The following SFTPB variants were observed in gnomAD, a reference collection of about 807,000 sequenced individuals.
SFTPB encodes the protein surfactant protein B, also known as pulmonary surfactant-associated protein B.
In SFTPB, 32 loss-of-function variants were observed where a neutral mutation model predicts 51.0. That is an observed-to-expected ratio of 0.63 (90% CI 0.47 to 0.84). SFTPB has a LOEUF of 0.84. Among genes scored for constraint, SFTPB ranks in the 40% least tolerant of loss-of-function variants. The pLI is 0.00. For missense variants in SFTPB, 431 were observed against 491.2 expected, an observed-to-expected ratio of 0.88 and a Z score of 1.16; for synonymous variants, 211 against 208.5, an observed-to-expected ratio of 1.01 and a Z score of -0.10.
At position 85,665,707 on chromosome 2, in the gene SFTPB, G is replaced by T; in HGVS notation, c.481C>A (p.Pro161Thr). 1 of 1,614,236 alleles carries T rather than the reference G, an allele frequency of 6.2e-7. No homozygotes were observed. Among genetic ancestry groups the T allele is most frequent in the Admixed American group, 1.7e-5 (1 of 60,036 alleles). ...GGCAGAGGGTCCCGCAGAGGTTTGG[G>T]CAGGGGGTCTGACATCCCTGGCTCC... The part of the protein sequence containing the change: ...EQEPGMSDPL[P>T]KPLRDPLPDP... The change falls in exon 5 of 11, where the codon CCC (proline) becomes ACC (threonine). Residue 161 changes from proline to threonine, a missense_variant. Pro to Thr is a conservative substitution (Grantham distance 38). Coordinates refer to ENST00000519937, the MANE Select transcript of SFTPB (RefSeq NM_000542.5).
rs201660047 is a variant in SFTPB at position 85,657,603 on chromosome 2, C to T, written c.*2099G>A. ...CAAGCTCAGTGTCAAAACACACACC[C>T]TGCCGTAGCTCTCTCCTGGGCTAGG... is the stretch of plus-strand genomic sequence containing the variant. On this transcript the variant is annotated 3_prime_UTR_variant, in exon 11 of 11. Coordinates refer to ENST00000519937, the MANE Select transcript of SFTPB (RefSeq NM_000542.5). 1 of 152,192 alleles carries T rather than the reference C, an allele frequency of 6.6e-6. No homozygotes were observed. Among genetic ancestry groups the T allele is most frequent in the East Asian group, 1.9e-4 (1 of 5,180 alleles). 9.4% of individuals were successfully genotyped at this position (152,192 alleles called of 1,614,324 possible). A position where few individuals can be genotyped will look rare whatever the true frequency, so the allele number is the denominator to read the frequency against.
At position 85,663,842 on chromosome 2, in the gene SFTPB, C is replaced by T. The variant is rs550631097; in HGVS notation, c.678G>A (p.Ala226=). Residue 226 remains alanine (A), a synonymous_variant, in exon 7 of 11, where the codon GCG becomes GCA. Coordinates refer to ENST00000519937, the MANE Select transcript of SFTPB (RefSeq NM_000542.5). The part of the protein sequence containing the change: ...KRIQAMIPKG[A]LAVAVAQVCR... The stretch of plus-strand genomic sequence containing the variant: ...ACACCTGGGCCACTGCCACAGCTAG[C>T]GCACCCTGGGGCGGGGGCGGAGAGA... 89 of 1,584,250 alleles carry T rather than the reference C, an allele frequency of 5.6e-5. 1 individual carries two copies. In the South Asian group the frequency reaches 7.7e-4, roughly 14 times the overall value.
chr2:85,663,926 C>T, intron 6 of SFTPB, 79 bp from the exon 7 acceptor site: 1 of 1,362,366 alleles, frequency 7.3e-7, no homozygotes, highest in Non-Finnish European at 1.0e-6. Context: ...CCCAGCTGGG[C>T]ACTTCCTACG....
At position 85,663,740 on chromosome 2, in the gene SFTPB, C is replaced by T. The variant is rs528288865; in HGVS notation, c.780G>A (p.Thr260=). 1.0e-4 allele frequency: 167 copies of T among 1,611,034 alleles called. 1 individual carries two copies. In the East Asian group the frequency reaches 3.2e-3, roughly 31 times the overall value. ...AERYSVILLD[T]LLGRMLPQLV... The stretch of plus-strand genomic sequence containing the variant: ...GCTGGGGCAGCATGCGGCCCAGCAG[C>T]GTGTCGAGCAGGATGACGGAGTAGC... The change falls in exon 7 of 11, where the codon ACG becomes ACA. Residue 260 remains threonine (T), a synonymous_variant. Coordinates refer to ENST00000519937, the MANE Select transcript of SFTPB (RefSeq NM_000542.5).
intron 6 of SFTPB, among the ~76,000 whole-genome samples, chr2:85,665,086 C>G (rs1677504308): frequency 6.6e-6 from 1 of 152,206 alleles, no homozygotes; most frequent in Admixed American, 6.5e-5. Context: ...GTTGCATGAA[C>G]TGTAGGCCTG....
rs561113178 is a variant in SFTPB at position 85,663,393 on chromosome 2, G to A, written c.955C>T (p.Gln319Ter). The A allele has an allele frequency of 6.2e-7, 1 of 1,613,820 alleles. No individual in the cohort carries two copies. Among genetic ancestry groups the A allele is most frequent in the Non-Finnish European group, 8.5e-7 (1 of 1,180,032 alleles). Residue 319 changes from glutamine (Q) to a stop codon, truncating the protein, a stop_gained, in exon 8 of 11, where the codon CAG becomes TAG. Transcript: ENST00000519937. LOFTEE classifies it high-confidence loss of function. ...CCAACACAGGCCTGGAGCATTGCCT[G>A]TGGTATGGCCTGCTCGCTGCTGTTC... ...AGNSSEQAIPQAMLQACVGSW... is the reference protein window; with the variant it reads ...AGNSSEQAIP
intron 8 of SFTPB, chr2:85,662,377 A>G: frequency 9.4e-7 from 1 of 1,066,482 alleles, no homozygotes; most frequent in South Asian, 1.8e-5. Flanking sequence ...CCCTCCCTCC[A>G]CCTCCATTTC....
intron 10 of SFTPB, among the ~76,000 whole-genome samples, chr2:85,660,021 C>T (rs888673408): frequency 1.2e-4 from 19 of 152,236 alleles, no homozygotes; most frequent in South Asian, 2.1e-4. Flanking sequence ...CTGGCTTCCC[C>T]GCCTCAGATG....
At chr2:85,666,509 GTGTGTGT>G in intron 4 of SFTPB, 101 bp downstream of exon 4, 1 of 1,111,924 alleles carries the variant, frequency 9.0e-7, no homozygotes, top group Non-Finnish European at 1.3e-6. Flanking sequence ...GTGTGTGTGT[GTGTGTGT>G]GTGTGTCTGG....
chr2:85,667,151 G>C lies in SFTPB; in HGVS notation c.222C>G (p.Asp74Glu). 1 of 1,613,960 alleles carries C rather than the reference G, an allele frequency of 6.2e-7. No individual in the cohort carries two copies. The highest frequency in any genetic ancestry group is 8.5e-7 in the Non-Finnish European group (1 of 1,179,834). ...CCATCTTGTTAAGGATGTGGACGAT[G>C]TCCTCACACTCTTGGCATAGGTCAT... The part of the protein sequence containing the change: ...GADDLCQECE[D>E]IVHILNKMAK... The change falls in exon 3 of 11, where the codon GAC (aspartate) becomes GAG (glutamate). Residue 74 changes from aspartate to glutamate, a missense_variant. Asp to Glu is a conservative substitution (Grantham distance 45, BLOSUM62 2). Transcript: ENST00000519937.
chr2:85,667,116 G>A lies in SFTPB; in HGVS notation c.257C>T (p.Ala86Val), dbSNP rs1248908375. Reference protein sequence around the residue: ...VHILNKMAKEAIFQDTMRKFL... With the variant: ...VHILNKMAKEVIFQDTMRKFL... The stretch of plus-strand genomic sequence containing the variant: ...TCTGGGCATCATTACCTGGAAAATG[G>A]CCTCCTTGGCCATCTTGTTAAGGAT... The change falls in exon 3 of 11, where the codon GCC becomes GTC. Residue 86 changes from alanine (A) to valine (V), a missense_variant. Coordinates refer to ENST00000519937, the MANE Select transcript of SFTPB (RefSeq NM_000542.5). 4.4e-5 allele frequency: 71 copies of A among 1,612,420 alleles called. No homozygotes were observed. The highest frequency in any genetic ancestry group is 6.0e-5 in the Non-Finnish European group (71 of 1,178,604).
chr2:85,666,514 TG>T, intron 4 of SFTPB, 102 bp downstream of exon 4: 4 of 1,150,598 alleles, frequency 3.5e-6, no homozygotes, highest in African/African-American at 1.5e-5. Flanking sequence ...TGTGTGTGTG[TG>T]TGTGTGTCTG....
chr2:85,662,361 AC>A (rs1677349966), intron 8 of SFTPB: 3 of 1,183,642 alleles, frequency 2.5e-6, no homozygotes, highest in African/African-American at 1.5e-5. Context: ...CTCAGCCACC[AC>A]CCTCCCCTCC....
In SFTPB at chr2:85,667,993, C is replaced by A. The variant is rs1677742057; in HGVS notation, c.67+124G>T. ...TGTGTGACCTTGGATAAGCTCTGAA[C>A]CCTCTCTGAACCCCAGCTGCCTTGT... is the stretch of plus-strand genomic sequence containing the variant. On this transcript the variant is annotated intron_variant, in intron 1 of 10. Transcript: ENST00000519937. 4.2e-6 allele frequency: 5 copies of A among 1,185,852 alleles called. No individual in the cohort carries two copies. In the Admixed American group the frequency reaches 1.0e-4, roughly 24 times the overall value. The allele number at this position is 1,185,852 out of a possible 1,614,324, so 73.5% of individuals were successfully genotyped here.
In SFTPB at chr2:85,663,790, C is replaced by A; in HGVS notation, c.730G>T (p.Gly244Cys). 2 of 1,602,040 alleles carry A rather than the reference C, an allele frequency of 1.2e-6. No individual in the cohort carries two copies. Among genetic ancestry groups the A allele is most frequent in the Non-Finnish European group, 1.7e-6 (2 of 1,175,682 alleles). Residue 244 changes from glycine to cysteine, a missense_variant, in exon 7 of 11, where the codon GGC becomes TGC. Transcript: ENST00000519937. ...VCRVVPLVAG[G>C]ICQCLAERYS... ...CGCTCAGCCAGGCACTGGCAGATGCCGCCCGCCACCAGAGGTACCACGCGG... is the reference window on the plus strand; with the variant it reads ...CGCTCAGCCAGGCACTGGCAGATGCAGCCCGCCACCAGAGGTACCACGCGG...
chr2:85,665,410 G>A (rs765244110), intron 5 of SFTPB, 32 bp from the exon 6 acceptor site: 1 of 1,578,154 alleles, frequency 6.3e-7, no homozygotes, highest in East Asian at 2.2e-5. Context: ...GGCCAGGCTG[G>A]GTGCTGGGAG....
intron 9 of SFTPB, among the ~76,000 whole-genome samples, chr2:85,661,751 C>G (rs1485906268): frequency 6.6e-6 from 1 of 152,134 alleles, no homozygotes; most frequent in African/African-American, 2.4e-5. Context: ...CTTTGTACCC[C>G]CACCCCACCA....
intron 9 of SFTPB, 60 bp from the exon 10 acceptor site, chr2:85,661,595 T>C: frequency 7.0e-7 from 1 of 1,429,700 alleles, no homozygotes; most frequent in Non-Finnish European, 9.7e-7. Flanking sequence ...CACACCCAGC[T>C]CTTCCGGGAA....
intron 1 of SFTPB, 33 bp from the exon 2 acceptor site, chr2:85,667,839 G>T: frequency 6.2e-7 from 1 of 1,614,138 alleles, no homozygotes; most frequent in South Asian, 1.1e-5. Flanking sequence ...CCTTAATCAG[G>T]ATCCAGGCTA....
Sources: gnomAD v4.1 joint callset for allele counts (sites outside exome capture counted in the v4.1 genomes callset) on GRCh38, gnomAD v4.1.1 for gene constraint, MANE v1.5 for transcripts, NCBI Gene and HGNC (gene_info 2026-07-23, HGNC 2026-07-21) for gene names.